Variants in CYTH1 observed in about 807,000 individuals in gnomAD.
CYTH1 encodes cytohesin-1.
A neutral mutation model predicts 61.8 loss-of-function variants in CYTH1; 18 were observed. The observed-to-expected ratio is 0.29, with a 90% CI of 0.20 to 0.43. CYTH1 has a LOEUF of 0.43. Among genes scored for constraint, CYTH1 ranks in the 20% least tolerant of loss-of-function variants. The pLI is 1.00. For synonymous variants in CYTH1, 174 were observed against 184.3 expected, an observed-to-expected ratio of 0.94 and a Z score of 0.45; for missense variants, 336 against 510.5, an observed-to-expected ratio of 0.66 and a Z score of 3.29.
chr17:78,718,420 G>A (rs532442640), intron 1 of CYTH1, among the ~76,000 whole-genome samples: 13 of 152,262 alleles, frequency 8.5e-5, no homozygotes, highest in East Asian at 7.7e-4. Flanking sequence ...GCTCAAAAGC[G>A]CGCATCTGGG....
chr17:78,690,128 G>T (rs762749242), intron 11 of CYTH1, among the ~76,000 whole-genome samples: 2 of 151,840 alleles, frequency 1.3e-5, no homozygotes, highest in Non-Finnish European at 2.9e-5. Flanking sequence ...TCCTCTCTGT[G>T]TCTTAAGAAA....
At chr17:78,761,694 C>T (rs1380048473) in intron 1 of CYTH1, among the ~76,000 whole-genome samples, 3 of 152,098 alleles carry the variant, frequency 2.0e-5, no homozygotes, top group East Asian at 3.9e-4. Context: ...GACGAGATCA[C>T]GCCACTGCAC....
At chr17:78,711,433 T>C (rs2093131606) in intron 1 of CYTH1, among the ~76,000 whole-genome samples, 1 of 152,046 alleles carries the variant, frequency 6.6e-6, no homozygotes, top group Admixed American at 6.6e-5. Flanking sequence ...TTATTTTAAT[T>C]GATCTCAAAG....
intron 1 of CYTH1, among the ~76,000 whole-genome samples, chr17:78,734,787 A>C (rs972564029): frequency 1.3e-5 from 2 of 152,148 alleles, no homozygotes; most frequent in African/African-American, 4.8e-5. Flanking sequence ...AGATTAATGC[A>C]GCAGAAGAGT....
chr17:78,778,952 C>G (rs888993022), intron 1 of CYTH1, among the ~76,000 whole-genome samples: 1 of 152,154 alleles, frequency 6.6e-6, no homozygotes, highest in Admixed American at 6.6e-5. Flanking sequence ...ATGGACAGTT[C>G]TGGAGACTAA....
intron 1 of CYTH1, among the ~76,000 whole-genome samples, chr17:78,768,817 T>G (rs2093459107): frequency 6.6e-6 from 1 of 151,916 alleles, no homozygotes; most frequent in Non-Finnish European, 1.5e-5. Flanking sequence ...TCCACCTGCT[T>G]CCTTTCTCTC....
intron 1 of CYTH1, among the ~76,000 whole-genome samples, chr17:78,755,361 T>C (rs2093396361): frequency 6.6e-6 from 1 of 152,010 alleles, no homozygotes. Flanking sequence ...CTCGAACTCC[T>C]GATCTCAAGT....
At chr17:78,765,892 C>T (rs1460651354) in intron 1 of CYTH1, among the ~76,000 whole-genome samples, 2 of 151,982 alleles carry the variant, frequency 1.3e-5, no homozygotes, top group African/African-American at 4.8e-5. Context: ...ACCTGCAAAG[C>T]TAGAGGGTCT....
At chr17:78,714,205 G>A (rs528982021) in intron 1 of CYTH1, among the ~76,000 whole-genome samples, 2 of 152,008 alleles carry the variant, frequency 1.3e-5, no homozygotes, top group Non-Finnish European at 2.9e-5. Flanking sequence ...CAAGAGAATC[G>A]CTTGAACCCC....
intron 9 of CYTH1, among the ~76,000 whole-genome samples, chr17:78,697,420 A>G (rs928546456): frequency 1.3e-5 from 2 of 152,070 alleles, no homozygotes; most frequent in African/African-American, 4.8e-5. Flanking sequence ...GTGGACATGA[A>G]TGTGTATGAA....
intron 1 of CYTH1, among the ~76,000 whole-genome samples, chr17:78,740,096 G>A (rs1303914734): frequency 6.6e-6 from 1 of 152,084 alleles, no homozygotes; most frequent in Non-Finnish European, 1.5e-5. Context: ...CCACCATGCT[G>A]AGCTAATTTT....
rs138568241 is a variant in CYTH1, at chr17:78,681,863, G to A, written c.892-821C>T. 4.0e-3 allele frequency among the ~76,000 whole-genome samples: 605 copies of A among 150,020 alleles called. 2 individuals carry two copies. The highest frequency in any genetic ancestry group is 6.9e-3 in the Non-Finnish European group (470 of 67,780). The stretch of plus-strand genomic sequence containing the variant: ...AAAAAAAAAAAAAAAAAACCAACCA[G>A]TTCTATGAGTTCTCTAAAAGCGAAA... On this transcript the variant is annotated intron_variant, in intron 11 of 13. Transcript: ENST00000446868.
At chr17:78,692,298 A>C (rs1273405779) in intron 11 of CYTH1, 119 bp downstream of exon 11, 2 of 1,010,360 alleles carry the variant, frequency 2.0e-6, no homozygotes, top group African/African-American at 3.2e-5. Flanking sequence ...ACTCTCCCCC[A>C]TCCCCCACAG....
In CYTH1 at chr17:78,706,470, G is replaced by A. The variant is rs148823081; in HGVS notation, c.170+1727C>T. 3.6e-3 allele frequency among the ~76,000 whole-genome samples: 548 copies of A among 152,358 alleles called. 1 individual carries two copies. Among genetic ancestry groups the A allele is most frequent in the Non-Finnish European group, 6.9e-3 (470 of 68,038 alleles). On this transcript the variant is annotated intron_variant, in intron 3 of 13. Transcript: ENST00000446868. The stretch of plus-strand genomic sequence containing the variant: ...TCATCCGTGCTGCTGCACGCTAGCA[G>A]TTCATTCCTTCACACTGCTGAGTAA...
intron 1 of CYTH1, among the ~76,000 whole-genome samples, chr17:78,760,432 C>G (rs1296741786): frequency 2.4e-5 from 1 of 41,124 alleles, no homozygotes; most frequent in Admixed American, 2.6e-4. Context: ...TATACACATA[C>G]ATATATATAT....
At chr17:78,761,464 C>T (rs1284358820) in intron 1 of CYTH1, among the ~76,000 whole-genome samples, 2 of 152,172 alleles carry the variant, frequency 1.3e-5, no homozygotes, top group African/African-American at 4.8e-5. Context: ...AGGGGCCAGG[C>T]GCGGTGGCTC....
intron 1 of CYTH1, among the ~76,000 whole-genome samples, chr17:78,762,523 G>T (rs2093433005): frequency 6.6e-6 from 1 of 152,200 alleles, no homozygotes; most frequent in Admixed American, 6.5e-5. Flanking sequence ...TAGTCGGCAG[G>T]ATAATGGTCC....
intron 11 of CYTH1, among the ~76,000 whole-genome samples, chr17:78,687,717 C>A (rs2092831180): frequency 6.6e-6 from 1 of 152,196 alleles, no homozygotes; most frequent in Non-Finnish European, 1.5e-5. Context: ...TTGAAAGCAG[C>A]CACTTGATCT....
chr17:78,773,847 A>G (rs1365888277), intron 1 of CYTH1, among the ~76,000 whole-genome samples: 2 of 152,206 alleles, frequency 1.3e-5, no homozygotes, highest in Admixed American at 6.5e-5. Context: ...CATTTTCCCC[A>G]TGCTTAAAAC....
Sources: gnomAD v4.1 joint callset for allele counts (sites outside exome capture counted in the v4.1 genomes callset) on GRCh38, gnomAD v4.1.1 for gene constraint, MANE v1.5 for transcripts, NCBI Gene and HGNC (gene_info 2026-07-23, HGNC 2026-07-21) for gene names.